SHOX: variants seen among roughly 807,000 people sequenced by gnomAD.
SHOX encodes short stature homeobox protein.
In SHOX, 12 loss-of-function variants were observed where a neutral mutation model predicts 29.6. The ratio of observed to expected loss-of-function variants is 0.41; its 90% CI spans 0.26 to 0.66. The LOEUF (loss-of-function observed/expected upper bound fraction) is 0.66. Among genes scored for constraint, SHOX ranks in the 30% least tolerant of loss-of-function variants. SHOX has a pLI of 0.35. For missense variants in SHOX, 499 were observed against 437.7 expected (o/e 1.14, Z -1.25); for synonymous variants, 214 against 200.6 (o/e 1.07, Z -0.57).
In SHOX at chrX:644,502, C is replaced by T; in HGVS notation, c.745C>T (p.Pro249Ser). Residue 249 changes from proline to serine, a missense_variant, in exon 5 of 5, where the codon CCC becomes TCC. By Grantham distance (74) the Pro-to-Ser change is moderately conservative. Transcript: ENST00000686671. ...GTTCCCCCCGCCGCCCTTCGGGCTG[C>T]CCATCGCGTCGCTGGCCGAGTCCGC... The part of the protein sequence containing the change: ...LMFPPPPFGL[P>S]IASLAESASA... 1 of 1,521,544 alleles carries T rather than the reference C, an allele frequency of 6.6e-7. No individual in the cohort carries two copies. The highest frequency in any genetic ancestry group is 1.4e-5 in the African/African-American group (1 of 70,724). The allele number at this position is 1,521,544 out of a possible 1,614,324, so 94.3% of individuals were successfully genotyped here.
chrX:655,825 T>G (rs1350676069), downstream of SHOX, among the ~76,000 whole-genome samples: 1 of 151,972 alleles, frequency 6.6e-6, no homozygotes, highest in African/African-American at 2.4e-5. Context: ...CCCATAAAAC[T>G]GCACTTCCAA....
rs1466768877 is a variant in SHOX at position 644,945 on chromosome X, C to A, written c.*309C>A. On this transcript the variant is annotated 3_prime_UTR_variant, in exon 5 of 5. Transcript: ENST00000686671. Reference sequence around the variant, plus strand: ...AGGGTAAACCCCCGCCTGGCTGCGTCTTCCTCTGCTATACCCTATGCATGC... The same window carrying A: ...AGGGTAAACCCCCGCCTGGCTGCGTATTCCTCTGCTATACCCTATGCATGC... 7.4e-6 allele frequency: 3 copies of A among 407,154 alleles called. No individual in the cohort carries two copies. Among genetic ancestry groups the A allele is most frequent in the Non-Finnish European group, 1.3e-5 (3 of 231,730 alleles). The allele number at this position is 407,154 out of a possible 1,614,324, so 25.2% of individuals were successfully genotyped here.
rs186861082 is a variant in SHOX, at chrX:648,497, G to A, written c.*3861G>A. On this transcript the variant is annotated 3_prime_UTR_variant, in exon 5 of 5. Coordinates refer to ENST00000686671, the MANE Select transcript of SHOX (RefSeq NM_000451.4). ...CCCGCTTTGTCCCTCGCAAAGTGCT[G>A]GGATTACAGGCGTGAGCCACCGCAC... Among the ~76,000 whole-genome samples, 5 of 152,324 alleles carry A rather than the reference G, an allele frequency of 3.3e-5. No homozygotes were observed. The highest frequency in any genetic ancestry group is 6.5e-5 in the Admixed American group (1 of 15,296).
intron 1 of SHOX, 94 bp from the exon 2 acceptor site, chrX:634,524 G>A: frequency 1.5e-6 from 2 of 1,359,712 alleles, no homozygotes; most frequent in South Asian, 1.2e-5. Flanking sequence ...TGGTTTTCGA[G>A]GGCCCCCTTT....
chrX:642,619 C>G (rs1184460070), intron 4 of SHOX, among the ~76,000 whole-genome samples: 1 of 152,150 alleles, frequency 6.6e-6, no homozygotes, highest in Non-Finnish European at 1.5e-5. Flanking sequence ...CTTCTTGTAC[C>G]GTCTTTTGCC....
At chrX:631,375 C>A (rs559051865) in intron 1 of SHOX, among the ~76,000 whole-genome samples, 1 of 152,048 alleles carries the variant, frequency 6.6e-6, no homozygotes, top group South Asian at 2.1e-4. Flanking sequence ...TGGTGGGTAG[C>A]GGGGTGCGGG....
Position 644,493 on chromosome X carries a change from T to C in SHOX, c.736T>C (p.Phe246Leu). 1 of 1,523,100 alleles carries C rather than the reference T, an allele frequency of 6.6e-7. No individual in the cohort carries two copies. Among genetic ancestry groups the C allele is most frequent in the African/African-American group, 1.4e-5 (1 of 70,778 alleles). The allele number at this position is 1,523,100 out of a possible 1,614,324, so 94.3% of individuals were successfully genotyped here. ...CTACCTGATGTTCCCCCCGCCGCCC[T>C]TCGGGCTGCCCATCGCGTCGCTGGC... ...APYLMFPPPPFGLPIASLAES... is the reference protein window; with the variant it reads ...APYLMFPPPPLGLPIASLAES... Residue 246 changes from phenylalanine (F) to leucine (L), a missense_variant, in exon 5 of 5, where the codon TTC becomes CTC. Transcript: ENST00000686671.
chrX:644,548 C>T lies in SHOX; in HGVS notation c.791C>T (p.Ala264Val). 2.6e-6 allele frequency: 4 copies of T among 1,517,806 alleles called. No homozygotes were observed. The highest frequency in any genetic ancestry group is 3.5e-6 in the Non-Finnish European group (4 of 1,139,588). 94.0% of individuals were successfully genotyped at this position (1,517,806 alleles called of 1,614,324 possible). Residue 264 changes from alanine (A) to valine (V), a missense_variant, in exon 5 of 5, where the codon GCC becomes GTC. Ala to Val is a moderately conservative substitution (Grantham distance 64). Coordinates refer to ENST00000686671, the MANE Select transcript of SHOX (RefSeq NM_000451.4). ...AESASAAAVV[A>V]AAAKSNSKNS... ...TCCGCCTCGGCCGCCGCCGTGGTCGCCGCCGCCGCCAAAAGCAACAGCAAG... is the reference window on the plus strand; with the variant it reads ...TCCGCCTCGGCCGCCGCCGTGGTCGTCGCCGCCGCCAAAAGCAACAGCAAG...
intron 2 of SHOX, among the ~76,000 whole-genome samples, chrX:635,923 A>G (rs952356875): frequency 6.6e-5 from 10 of 152,000 alleles, no homozygotes; most frequent in African/African-American, 2.4e-4. Flanking sequence ...CCCGTCAAAA[A>G]TAAATGAAAT....
chrX:655,394 C>A (rs985614237), downstream of SHOX, among the ~76,000 whole-genome samples: 3 of 151,758 alleles, frequency 2.0e-5, no homozygotes, highest in African/African-American at 7.3e-5. Flanking sequence ...GGCATGAGCC[C>A]AGGAGTTCAA....
At chrX:627,563 G>A (rs1168211721), upstream of SHOX, among the ~76,000 whole-genome samples, 1 of 152,162 alleles carries the variant, frequency 6.6e-6, no homozygotes, top group Non-Finnish European at 1.5e-5. Context: ...GCCATGAATC[G>A]GACGTGCGTG....
intron 2 of SHOX, among the ~76,000 whole-genome samples, chrX:636,970 A>ATATATATATATATATATATATTT (rs1458275715): frequency 2.9e-5 from 4 of 137,342 alleles, no homozygotes; most frequent in African/African-American, 5.5e-5. Flanking sequence ...ATATATATAT[A>ATATATATATATATATATATATTT]TTTTGGCTCC....
At position 644,720 on chromosome X, in the gene SHOX, T is replaced by C. The variant is rs2052933026; in HGVS notation, c.*84T>C. ...CGCGCGTCCTGCACTCAACCCCGCC[T>C]GGAGCTCCTTCCGCGGCCACCGTGC... On this transcript the variant is annotated 3_prime_UTR_variant, in exon 5 of 5. Transcript: ENST00000686671. The C allele has an allele frequency of 6.7e-6, 9 of 1,337,790 alleles. No homozygotes were observed. Among genetic ancestry groups the C allele is most frequent in the Admixed American group, 4.1e-5 (1 of 24,280 alleles). 82.9% of individuals were successfully genotyped at this position (1,337,790 alleles called of 1,614,324 possible).
intron 2 of SHOX, among the ~76,000 whole-genome samples, chrX:639,083 C>T (rs1409309627): frequency 6.6e-6 from 1 of 152,184 alleles, no homozygotes; most frequent in Non-Finnish European, 1.5e-5. Context: ...ATTGTCAATA[C>T]TGGGAGAGCA....
chrX:626,811 C>T (rs1274174939), upstream of SHOX, among the ~76,000 whole-genome samples: 5 of 145,692 alleles, frequency 3.4e-5, no homozygotes, highest in African/African-American at 1.1e-4. Flanking sequence ...CTCTGTCTCT[C>T]TTTCTCTCTC....
intron 1 of SHOX, among the ~76,000 whole-genome samples, chrX:633,209 T>G (rs2052680082): frequency 1.3e-5 from 2 of 152,178 alleles, no homozygotes; most frequent in South Asian, 2.1e-4. Context: ...CTGGAGTTTT[T>G]GGGAACAGCG....
At chrX:633,188 AC>A (rs2124160438) in intron 1 of SHOX, among the ~76,000 whole-genome samples, 1 of 152,128 alleles carries the variant, frequency 6.6e-6, no homozygotes, top group East Asian at 1.9e-4. Context: ...GTCTGAGGTT[AC>A]CGTGGAAGCC....
rs1475814967 is a variant in SHOX, at chrX:651,123, C to T, written c.*6487C>T. ...TGTTATTTATTTTTTTTTCCTTGGT[C>T]GGACGTTCATAAATATGTACTATTT... On this transcript the variant is annotated 3_prime_UTR_variant, in exon 5 of 5. Transcript: ENST00000686671. 1.5e-5 allele frequency: 5 copies of T among 344,140 alleles called. No individual in the cohort carries two copies. The highest frequency in any genetic ancestry group is 3.9e-5 in the Admixed American group (1 of 25,670). The allele number at this position is 344,140 out of a possible 1,614,324, so 21.3% of individuals were successfully genotyped here.
chrX:625,711 C>CTCTA (rs2052516874), intron 1 of SHOX, among the ~76,000 whole-genome samples: 1 of 33,340 alleles, frequency 3.0e-5, no homozygotes, highest in Non-Finnish European at 6.2e-5. Context: ...CTCTTTCTAT[C>CTCTA]TCTGTCTCTC....
Sources: gnomAD v4.1 joint callset for allele counts (sites outside exome capture counted in the v4.1 genomes callset) on GRCh38, gnomAD v4.1.1 for gene constraint, MANE v1.5 for transcripts, NCBI Gene and HGNC (gene_info 2026-07-23, HGNC 2026-07-21) for gene names.